Variants in ARB2A observed in about 807,000 individuals in gnomAD.
ARB2A encodes cotranscriptional regulator ARB2A.
the ARB2A span, among the ~76,000 whole-genome samples, chr5:93,817,535 G>T: frequency 6.6e-6 from 1 of 152,198 alleles, no homozygotes; most frequent in African/African-American, 2.4e-5. Flanking sequence ...GAAACAGAAT[G>T]AACAAAGTTG....
At chr5:93,797,577 T>C in the ARB2A span, among the ~76,000 whole-genome samples, 175 of 152,268 alleles carry the variant, frequency 1.1e-3, no homozygotes, top group Non-Finnish European at 2.1e-3. Context: ...AGTTCACTAA[T>C]TTAGAAAGTC....
At chr5:94,057,800 CTT>C in the ARB2A span, among the ~76,000 whole-genome samples, 1 of 152,142 alleles carries the variant, frequency 6.6e-6, no homozygotes, top group African/African-American at 2.4e-5. Context: ...GATGCCCTAG[CTT>C]ACTGTGTGGA....
chr5:93,909,079 G>C, the ARB2A span, among the ~76,000 whole-genome samples: 1 of 150,816 alleles, frequency 6.6e-6, no homozygotes, highest in East Asian at 1.9e-4. Context: ...GAGAAATTGT[G>C]AATAAGAAGT....
At chr5:93,740,723 C>A in the ARB2A span, 1 of 1,613,210 alleles carries the variant, frequency 6.2e-7, no homozygotes, top group African/African-American at 1.3e-5. Flanking sequence ...GGAGGCCCGG[C>A]TGTCCCCACA....
the ARB2A span, among the ~76,000 whole-genome samples, chr5:93,946,219 T>C: frequency 2.6e-5 from 4 of 151,776 alleles, no homozygotes; most frequent in African/African-American, 9.7e-5. Context: ...AGACAAGACA[T>C]TGATATTGAA....
At chr5:93,761,697 C>T in the ARB2A span, among the ~76,000 whole-genome samples, 11 of 152,134 alleles carry the variant, frequency 7.2e-5, no homozygotes, top group African/African-American at 2.2e-4. Flanking sequence ...CTGACAGTTT[C>T]GAAGAGAGTA....
chr5:93,973,439 T>C, the ARB2A span, among the ~76,000 whole-genome samples: 1 of 152,130 alleles, frequency 6.6e-6, no homozygotes, highest in Non-Finnish European at 1.5e-5. Flanking sequence ...ACCAAATCTA[T>C]GACTTACTGG....
At chr5:93,777,275 T>G in the ARB2A span, among the ~76,000 whole-genome samples, 1 of 151,588 alleles carries the variant, frequency 6.6e-6, no homozygotes, top group Admixed American at 6.6e-5. Flanking sequence ...AACCTGCACA[T>G]TGTGCACATG....
the ARB2A span, among the ~76,000 whole-genome samples, chr5:94,111,298 C>A: frequency 6.6e-5 from 10 of 152,172 alleles, no homozygotes; most frequent in Non-Finnish European, 5.9e-5. Flanking sequence ...CACGTCGCTC[C>A]CGCCTAGAGA....
At chr5:93,855,906 A>T in the ARB2A span, among the ~76,000 whole-genome samples, 1 of 151,928 alleles carries the variant, frequency 6.6e-6, no homozygotes, top group Non-Finnish European at 1.5e-5. Flanking sequence ...AAAGCAGAGC[A>T]CCTCTCCTCC....
chr5:94,019,160 T>G, the ARB2A span, among the ~76,000 whole-genome samples: 2 of 152,060 alleles, frequency 1.3e-5, no homozygotes, highest in South Asian at 4.1e-4. Flanking sequence ...AAAAATTAAC[T>G]CATGATGGAT....
chr5:93,834,833 A>C, the ARB2A span, among the ~76,000 whole-genome samples: 1 of 152,166 alleles, frequency 6.6e-6, no homozygotes. Context: ...CAGAGAGTGT[A>C]TATTATCAGC....
the ARB2A span, among the ~76,000 whole-genome samples, chr5:93,827,048 A>G: frequency 6.6e-6 from 1 of 152,046 alleles, no homozygotes; most frequent in East Asian, 1.9e-4. Context: ...TAGTGCCGCA[A>G]TAAACATACA....
chr5:93,890,647 G>T, the ARB2A span, among the ~76,000 whole-genome samples: 1 of 151,938 alleles, frequency 6.6e-6, no homozygotes, highest in African/African-American at 2.4e-5. Flanking sequence ...TTAAACTAAT[G>T]AACACAGTGA....
the ARB2A span, among the ~76,000 whole-genome samples, chr5:93,768,117 T>C: frequency 6.6e-6 from 1 of 151,316 alleles, no homozygotes; most frequent in African/African-American, 2.4e-5. Flanking sequence ...AAGTATCATA[T>C]GTTCTCACTG....
At chr5:93,637,872 T>C in the ARB2A span, among the ~76,000 whole-genome samples, 1 of 152,190 alleles carries the variant, frequency 6.6e-6, no homozygotes, top group Non-Finnish European at 1.5e-5. Flanking sequence ...ATGGCTTCCT[T>C]TATTTCGACC....
chr5:93,767,524 G>C, the ARB2A span, among the ~76,000 whole-genome samples: 1 of 152,026 alleles, frequency 6.6e-6, no homozygotes, highest in East Asian at 1.9e-4. Context: ...CCACTCCTGG[G>C]TATCTACCCA....
the ARB2A span, among the ~76,000 whole-genome samples, chr5:93,918,515 G>A: frequency 2.0e-5 from 3 of 146,342 alleles, no homozygotes; most frequent in Non-Finnish European, 3.0e-5. Flanking sequence ...TCTGCCTCCC[G>A]GGTTCAAGTG....
chr5:93,666,498 A>G, the ARB2A span, among the ~76,000 whole-genome samples: 3 of 151,238 alleles, frequency 2.0e-5, no homozygotes, highest in Admixed American at 6.6e-5. Flanking sequence ...AAATAGTGCT[A>G]TATCCTTTTT....
Sources: gnomAD v4.1 joint callset for allele counts (sites outside exome capture counted in the v4.1 genomes callset) on GRCh38, gnomAD v4.1.1 for gene constraint, MANE v1.5 for transcripts, NCBI Gene and HGNC (gene_info 2026-07-23, HGNC 2026-07-21) for gene names.